The following ADCY4 variants were observed in gnomAD, a reference collection of about 807,000 sequenced individuals.
The protein encoded by ADCY4 is adenylate cyclase 4.
Under a neutral mutation model 125.5 loss-of-function variants are expected in ADCY4, and 111 were observed. That is an observed-to-expected ratio of 0.88 (90% CI 0.76 to 1.04). The LOEUF is 1.04. ADCY4 is among the 50% of genes least tolerant of loss of function. ADCY4 has a pLI of 0.00. For synonymous variants in ADCY4, 576 were observed against 586.9 expected, an observed-to-expected ratio of 0.98 and a Z score of 0.27; for missense variants, 1,256 against 1,382.9, an observed-to-expected ratio of 0.91 and a Z score of 1.46.
chr14:24,319,905 C>T lies in ADCY4; in HGVS notation c.2587-17G>A. The T allele has an allele frequency of 6.2e-7, 1 of 1,611,790 alleles. No homozygotes were observed. Among genetic ancestry groups the T allele is most frequent in the African/African-American group, 1.3e-5 (1 of 74,956 alleles). On this transcript the variant is annotated splice_polypyrimidine_tract_variant and intron_variant, in intron 20 of 24. Coordinates refer to ENST00000418030, the MANE Select transcript of ADCY4 (RefSeq NM_001198568.2). This position sits in a 1 kb window ranked among gnomAD's most constrained non-coding sequence, Gnocchi z 4.5. ...GTAGAGATCCTGGGGGAACAGGAGA[C>T]TGGAGTGAGGGGTGTGTGTCATGTT... is the stretch of plus-strand genomic sequence containing the variant.
chr14:24,332,992 T>C lies in ADCY4; in HGVS notation c.160-4A>G, dbSNP rs746713915. The C allele has an allele frequency of 2.0e-6, 3 of 1,518,084 alleles. No individual in the cohort carries two copies. Among genetic ancestry groups the C allele is most frequent in the African/African-American group, 2.8e-5 (2 of 71,776 alleles). The allele number at this position is 1,518,084 out of a possible 1,614,324, so 94.0% of individuals were successfully genotyped here. On this transcript the variant is annotated splice_region_variant and splice_polypyrimidine_tract_variant and intron_variant, in intron 1 of 24. Transcript: ENST00000418030. ...AGCTCGGGTCTGAGGTCAGCTCCTG[T>C]GGGCAGGGGTGTGTGAGGCAAGATT...
chr14:24,321,497 TAA>T (rs759723199), intron 20 of ADCY4, among the ~76,000 whole-genome samples: 4 of 141,156 alleles, frequency 2.8e-5, no homozygotes, highest in Non-Finnish European at 1.6e-5. Context: ...AACTGTGTCT[TAA>T]AAAAAAAAAA....
rs766567451 is a variant in ADCY4 at position 24,318,698 on chromosome 14, C to T, written c.3037G>A (p.Val1013Met). 6.2e-6 allele frequency: 10 copies of T among 1,614,056 alleles called. No individual in the cohort carries two copies. The highest frequency in any genetic ancestry group is 4.0e-5 in the African/African-American group (3 of 74,910). The change falls in exon 24 of 25, where the codon GTG becomes ATG. Residue 1013 changes from valine (V) to methionine (M), a missense_variant. Transcript: ENST00000418030. ...QYDIWGNTVN[V>M]ASRMESTGVL... Reference sequence around the variant, plus strand: ...CCTGTACTCTCCATGCGGCTGGCCACGTTCACTGTGTTGCCCCAAATGTCA... The same window carrying T: ...CCTGTACTCTCCATGCGGCTGGCCATGTTCACTGTGTTGCCCCAAATGTCA...
Position 24,319,706 on chromosome 14 carries a change from A to T in ADCY4, c.2733+36T>A. ...GTACTGGTGGAAAATTCTAGAATCT[A>T]GGACATAGGGTCTGGGAGACTCTTG... On this transcript the variant is annotated intron_variant, in intron 21 of 24. Coordinates refer to ENST00000418030, the MANE Select transcript of ADCY4 (RefSeq NM_001198568.2). This position sits in a 1 kb window ranked among gnomAD's most constrained non-coding sequence, Gnocchi z 4.5. 6.2e-7 allele frequency: 1 copy of T among 1,613,256 alleles called. No homozygotes were observed. The highest frequency in any genetic ancestry group is 1.3e-5 in the African/African-American group (1 of 74,998).
chr14:24,333,059 C>A, intron 1 of ADCY4, 71 bp from the exon 2 acceptor site: 1 of 1,426,400 alleles, frequency 7.0e-7, no homozygotes, highest in Non-Finnish European at 9.3e-7. Flanking sequence ...GAAAAGCCAG[C>A]AGCCCAGCCC....
chr14:24,319,081 C>A lies in ADCY4; in HGVS notation c.2956+17G>T, dbSNP rs2041813402. ...GTGAGGAGGTACCAGACTGCTGCAG[C>A]AGGGGAAGTCTCTCACCCACTCGCA... On this transcript the variant is annotated intron_variant, in intron 23 of 24. Transcript: ENST00000418030. This position sits in a 1 kb window ranked among gnomAD's most constrained non-coding sequence, Gnocchi z 4.5. 6.2e-7 allele frequency: 1 copy of A among 1,612,804 alleles called. No individual in the cohort carries two copies. The highest frequency in any genetic ancestry group is 8.5e-7 in the Non-Finnish European group (1 of 1,178,962).
chr14:24,331,974 CG>C (rs2042048629), intron 3 of ADCY4, 37 bp from the exon 4 acceptor site: 1 of 1,502,448 alleles, frequency 6.7e-7, no homozygotes. Flanking sequence ...GCGCGGGACC[CG>C]GGTGCTTGTC....
Position 24,331,334 on chromosome 14 carries a change from A to G in ADCY4, c.692T>C (p.Leu231Pro). 1 of 1,614,082 alleles carries G rather than the reference A, an allele frequency of 6.2e-7. No homozygotes were observed. The highest frequency in any genetic ancestry group is 1.3e-5 in the African/African-American group (1 of 75,058). ...CATCTCTCGGGCCAGGTAGGCAGGA[A>G]GGATGGACAAGAGAAGGTGTTCCTG... ...KHQEHLLLSI[L>P]PAYLAREMKA... The change falls in exon 5 of 25, where the codon CTT becomes CCT. Residue 231 changes from leucine to proline, a missense_variant. Leu to Pro is a moderately conservative substitution (Grantham distance 98). Coordinates refer to ENST00000418030, the MANE Select transcript of ADCY4 (RefSeq NM_001198568.2).
At chr14:24,330,110 T>C in intron 7 of ADCY4, 58 bp downstream of exon 7, 1 of 1,600,606 alleles carries the variant, frequency 6.2e-7, no homozygotes. Flanking sequence ...TTCTGTCAGC[T>C]GCCTGCTGCC....
chr14:24,319,592 A>G lies in ADCY4; in HGVS notation c.2733+150T>C. 1 of 1,223,252 alleles carries G rather than the reference A, an allele frequency of 8.2e-7. No homozygotes were observed. The highest frequency in any genetic ancestry group is 1.2e-6 in the Non-Finnish European group (1 of 851,892). 75.8% of individuals were successfully genotyped at this position (1,223,252 alleles called of 1,614,324 possible). On this transcript the variant is annotated intron_variant, in intron 21 of 24. Coordinates refer to ENST00000418030, the MANE Select transcript of ADCY4 (RefSeq NM_001198568.2). This position sits in a 1 kb window ranked among gnomAD's most constrained non-coding sequence, Gnocchi z 4.5. ...GGTTGGTGGTGGGCAGTGTTGCTGG[A>G]GTGGGTAGATCTGGGGGATCAGAGG...
chr14:24,318,864 C>A, intron 23 of ADCY4, 86 bp from the exon 24 acceptor site: 2 of 1,578,296 alleles, frequency 1.3e-6, no homozygotes, highest in Non-Finnish European at 1.7e-6. Flanking sequence ...GGAGAAGAGC[C>A]TGGGGGGCCC....
At chr14:24,320,980 G>C (rs1318443143) in intron 20 of ADCY4, among the ~76,000 whole-genome samples, 1 of 152,086 alleles carries the variant, frequency 6.6e-6, no homozygotes, top group Non-Finnish European at 1.5e-5. Context: ...TTTCATGGAA[G>C]ACAAGTTTTC....
chr14:24,318,528 T>G lies in ADCY4; in HGVS notation c.3122A>C (p.Tyr1041Ser), dbSNP rs769735115. The G allele has an allele frequency of 1.2e-6, 2 of 1,614,196 alleles. No homozygotes were observed. Among genetic ancestry groups the G allele is most frequent in the Non-Finnish European group, 1.7e-6 (2 of 1,180,028 alleles). ...GATGACACCCCGGCTGTAGCAGGTG[T>G]AGCCCAGGGACTGTAGGGCCCATGC... ...ETAWALQSLG[Y>S]TCYSRGVIKV... The change falls in exon 25 of 25, where the codon TAC becomes TCC. Residue 1041 changes from tyrosine to serine, a missense_variant. By Grantham distance (144) the Tyr-to-Ser change is moderately radical. Coordinates refer to ENST00000418030, the MANE Select transcript of ADCY4 (RefSeq NM_001198568.2).
At chr14:24,318,628 CT>C (rs2041805622) in intron 24 of ADCY4, 25 bp downstream of exon 24, 4 of 1,614,008 alleles carry the variant, frequency 2.5e-6, no homozygotes, top group African/African-American at 1.3e-5. Context: ...CCCCCTCCCC[CT>C]ATGCCTCCAA....
At chr14:24,321,937 C>A in intron 20 of ADCY4, 129 bp downstream of exon 20, 1 of 1,415,988 alleles carries the variant, frequency 7.1e-7, no homozygotes, top group Non-Finnish European at 9.3e-7. Flanking sequence ...AACAAAGACG[C>A]TTGACAAGCA....
chr14:24,323,611 G>A (rs2041891372), intron 16 of ADCY4, 157 bp from the exon 17 acceptor site: 1 of 1,444,432 alleles, frequency 6.9e-7, no homozygotes, highest in Non-Finnish European at 9.1e-7. Flanking sequence ...TCAGCACTGG[G>A]GTCCTCACTC....
intron 23 of ADCY4, 109 bp from the exon 24 acceptor site, chr14:24,318,887 G>C (rs888002442): frequency 7.3e-6 from 11 of 1,514,976 alleles, no homozygotes; most frequent in Non-Finnish European, 9.0e-6. Context: ...GAGGAGAGGA[G>C]GGGTCTCTAA....
intron 20 of ADCY4, among the ~76,000 whole-genome samples, chr14:24,320,602 A>G (rs1159591394): frequency 2.0e-5 from 3 of 152,214 alleles, no homozygotes. Context: ...ATGAGCCAAG[A>G]GCATTTCCAC....
Position 24,330,236 on chromosome 14 carries a change from C to A in ADCY4, c.990G>T (p.Leu330=). The change falls in exon 7 of 25, where the codon CTG becomes CTT. Residue 330 remains leucine, a synonymous_variant. Transcript: ENST00000418030. ...TGGCATGGTCTGGCAGTGAGAGTGGCAGCCCAGAGACACAGTAGTAACAGT... is the reference window on the plus strand; with the variant it reads ...TGGCATGGTCTGGCAGTGAGAGTGGAAGCCCAGAGACACAGTAGTAACAGT... The part of the protein sequence containing the change: ...LGDCYYCVSG[L]PLSLPDHAIN... 1 of 1,614,224 alleles carries A rather than the reference C, an allele frequency of 6.2e-7. No homozygotes were observed. Among genetic ancestry groups the A allele is most frequent in the Non-Finnish European group, 8.5e-7 (1 of 1,180,046 alleles).
Sources: gnomAD v4.1 joint callset for allele counts (sites outside exome capture counted in the v4.1 genomes callset) on GRCh38, gnomAD v4.1.1 for gene constraint, Gnocchi (gnomAD v3.1) non-coding constraint, MANE v1.5 for transcripts, NCBI Gene and HGNC (gene_info 2026-07-23, HGNC 2026-07-21) for gene names.